The following MGAT4C variants were observed in gnomAD, a reference collection of about 807,000 sequenced individuals.
MGAT4C encodes the protein MGAT4 family member C, also known as alpha-1,3-mannosyl-glycoprotein 4-beta-N-acetylglucosaminyltransferase C.
A neutral mutation model predicts 40.1 loss-of-function variants in MGAT4C; 19 were observed. That is an observed-to-expected ratio of 0.47 (90% CI 0.33 to 0.70). MGAT4C has a LOEUF of 0.70. MGAT4C is among the 30% of genes least tolerant of loss of function. The pLI, the probability that MGAT4C is intolerant of heterozygous loss-of-function variation, is 0.02. For synonymous variants in MGAT4C, 181 were observed against 187.1 expected (o/e 0.97, Z 0.27); for missense variants, 491 against 563.2 (o/e 0.87, Z 1.30).
chr12:86,281,417 T>G (rs927753974), intron 4 of MGAT4C, among the ~76,000 whole-genome samples: 1 of 152,126 alleles, frequency 6.6e-6, no homozygotes, highest in African/African-American at 2.4e-5. Context: ...TACATAGATA[T>G]GGATGTAGAT....
intron 2 of MGAT4C, among the ~76,000 whole-genome samples, chr12:86,670,344 C>A (rs921903323): frequency 4.6e-5 from 7 of 151,968 alleles, no homozygotes; most frequent in African/African-American, 1.7e-4. Context: ...GGAAGAGATA[C>A]ACATCCTAAG....
intron 2 of MGAT4C, among the ~76,000 whole-genome samples, chr12:86,491,269 G>C (rs1056805517): frequency 2.0e-5 from 3 of 152,100 alleles, no homozygotes; most frequent in African/African-American, 4.8e-5. Context: ...AATAGAAAAA[G>C]AGGGAATCAT....
At chr12:86,685,507 T>C (rs1950058289) in intron 2 of MGAT4C, among the ~76,000 whole-genome samples, 1 of 152,216 alleles carries the variant, frequency 6.6e-6, no homozygotes, top group South Asian at 2.1e-4. Flanking sequence ...TTGCCTTGGC[T>C]ACACAGGCTC....
chr12:86,107,723 T>C (rs1358968698), intron 1 of MGAT4C, among the ~76,000 whole-genome samples: 1 of 152,182 alleles, frequency 6.6e-6, no homozygotes, highest in Non-Finnish European at 1.5e-5. Context: ...TTCTGGTTAC[T>C]GGCAGAACCA....
chr12:86,195,437 T>C (rs944720309), intron 1 of MGAT4C, among the ~76,000 whole-genome samples: 17 of 152,318 alleles, frequency 1.1e-4, no homozygotes, highest in African/African-American at 3.8e-4. Flanking sequence ...TGAATCACTC[T>C]ATAAAATATG....
At chr12:85,995,989 T>C (rs1237661456) in intron 2 of MGAT4C, among the ~76,000 whole-genome samples, 3 of 152,176 alleles carry the variant, frequency 2.0e-5, no homozygotes, top group African/African-American at 7.2e-5. Context: ...ATCAAATTAT[T>C]TTGCATAACT....
At chr12:86,164,975 A>G (rs1223287516) in intron 1 of MGAT4C, among the ~76,000 whole-genome samples, 2 of 152,178 alleles carry the variant, frequency 1.3e-5, no homozygotes, top group East Asian at 3.9e-4. Flanking sequence ...TAGGAAGGGA[A>G]TATTGAATAT....
chr12:86,717,356 T>G (rs1316788173), intron 2 of MGAT4C, among the ~76,000 whole-genome samples: 1 of 152,102 alleles, frequency 6.6e-6, no homozygotes, highest in African/African-American at 2.4e-5. Flanking sequence ...AAAGCAAGAA[T>G]TTTGTATTAA....
At position 85,974,212 on chromosome 12, in the gene MGAT4C, C is replaced by T. The variant is rs1238936659; in HGVS notation, c.*5077G>A. 1 of 150,612 alleles carries T rather than the reference C, an allele frequency of 6.6e-6. No individual in the cohort carries two copies. Among genetic ancestry groups the T allele is most frequent in the Non-Finnish European group, 1.5e-5 (1 of 67,066 alleles). The allele number at this position is 150,612 out of a possible 1,614,324, so 9.3% of individuals were successfully genotyped here. On this transcript the variant is annotated 3_prime_UTR_variant, in exon 5 of 5. Coordinates refer to ENST00000611864, the MANE Select transcript of MGAT4C (RefSeq NM_001351288.2). ...AATTTAAAGTATCTAAAAGGATGCA[C>T]AAAGATCTCTAATGTGCTGTGATTT...
chr12:86,318,853 T>C (rs1468682218), intron 4 of MGAT4C, among the ~76,000 whole-genome samples: 4 of 152,190 alleles, frequency 2.6e-5, no homozygotes, highest in Non-Finnish European at 5.9e-5. Context: ...GCTGCTGTTC[T>C]TTATCACTCT....
At chr12:86,821,017 T>C (rs1952696166) in intron 1 of MGAT4C, among the ~76,000 whole-genome samples, 1 of 150,932 alleles carries the variant, frequency 6.6e-6, no homozygotes. Flanking sequence ...TCTTAGCCCA[T>C]GCTGGAAGCC....
chr12:85,989,948 C>T (rs974713730), intron 2 of MGAT4C, among the ~76,000 whole-genome samples: 4 of 151,742 alleles, frequency 2.6e-5, no homozygotes, highest in East Asian at 1.9e-4. Flanking sequence ...TGTAGTATAA[C>T]GAAAATGAGA....
intron 2 of MGAT4C, among the ~76,000 whole-genome samples, chr12:86,692,316 T>C (rs1473652146): frequency 2.0e-5 from 3 of 152,152 alleles, no homozygotes; most frequent in Non-Finnish European, 4.4e-5. Flanking sequence ...CATAGTATAA[T>C]TACATGTTAT....
At chr12:86,232,438 G>A (rs1335294250) in intron 1 of MGAT4C, among the ~76,000 whole-genome samples, 2 of 152,162 alleles carry the variant, frequency 1.3e-5, no homozygotes, top group Non-Finnish European at 2.9e-5. Context: ...GTGTAACAGA[G>A]TACTTGAGAA....
intron 1 of MGAT4C, among the ~76,000 whole-genome samples, chr12:86,079,534 A>T (rs1870426923): frequency 6.6e-6 from 1 of 152,152 alleles, no homozygotes; most frequent in Admixed American, 6.5e-5. Flanking sequence ...GCCATTGGTC[A>T]TCATTAAGTA....
chr12:86,017,450 T>G (rs956989303), intron 2 of MGAT4C, among the ~76,000 whole-genome samples: 1 of 152,208 alleles, frequency 6.6e-6, no homozygotes, highest in Non-Finnish European at 1.5e-5. Flanking sequence ...TTCTCTTTAT[T>G]CGTTTATAAC....
In MGAT4C at chr12:86,309,249, G is replaced by T. The variant is rs553880846; in HGVS notation, c.-57+24816C>A. On this transcript the variant is annotated intron_variant, in intron 4 of 7. Transcript: ENST00000548651. ...AAATGCATAATTGAGCAAAAACCTGGACGCAAGCAAGTGTATTCAGCTTAC... is the reference window on the plus strand; with the variant it reads ...AAATGCATAATTGAGCAAAAACCTGTACGCAAGCAAGTGTATTCAGCTTAC... Among the ~76,000 whole-genome samples the T allele has an allele frequency of 3.9e-4, 55 of 141,300 alleles. 8 individuals carry two copies. The highest frequency in any genetic ancestry group is 1.6e-3 in the African/African-American group (51 of 32,150). 92.7% of individuals were successfully genotyped at this position (141,300 alleles called of 152,430 possible). A position where few individuals can be genotyped will look rare whatever the true frequency, so the allele number is the denominator to read the frequency against.
intron 2 of MGAT4C, among the ~76,000 whole-genome samples, chr12:86,721,176 G>C (rs1341339989): frequency 6.6e-6 from 1 of 152,150 alleles, no homozygotes; most frequent in Non-Finnish European, 1.5e-5. Flanking sequence ...CCCCAGTGAT[G>C]TGTCAAACGT....
intron 2 of MGAT4C, among the ~76,000 whole-genome samples, chr12:86,549,754 G>A (rs1415293672): frequency 6.6e-6 from 1 of 152,146 alleles, no homozygotes; most frequent in East Asian, 1.9e-4. Flanking sequence ...TTGACTGGAG[G>A]GAGAGTGCTG....
Sources: gnomAD v4.1 joint callset for allele counts (sites outside exome capture counted in the v4.1 genomes callset) on GRCh38, gnomAD v4.1.1 for gene constraint, MANE v1.5 for transcripts, NCBI Gene and HGNC (gene_info 2026-07-23, HGNC 2026-07-21) for gene names.